SCAPER: variants seen among roughly 807,000 people sequenced by gnomAD.
SCAPER encodes S phase cyclin A-associated protein in the endoplasmic reticulum.
In SCAPER, 98 loss-of-function variants were observed where a neutral mutation model predicts 182.2. The observed-to-expected ratio is 0.54, with a 90% CI of 0.46 to 0.64. SCAPER has a LOEUF of 0.64. Ranked by LOEUF, SCAPER falls within the 30% of genes least tolerant of loss-of-function variation. The pLI, the probability that SCAPER is intolerant of heterozygous loss-of-function variation, is 0.00. For missense variants in SCAPER, 1,432 were observed against 1,690.0 expected (o/e 0.85, Z 2.68); for synonymous variants, 605 against 564.6 (o/e 1.07, Z -1.01).
intron 25 of SCAPER, among the ~76,000 whole-genome samples, chr15:76,464,403 G>A (rs931431942): frequency 2.0e-5 from 3 of 151,890 alleles, no homozygotes; most frequent in East Asian, 1.9e-4. Flanking sequence ...ATACACAGGC[G>A]ATTGGTTCAG....
At chr15:76,835,793 A>G (rs894158438) in intron 5 of SCAPER, among the ~76,000 whole-genome samples, 1 of 152,176 alleles carries the variant, frequency 6.6e-6, no homozygotes, top group Admixed American at 6.5e-5. Flanking sequence ...AGAAAACCTT[A>G]TAGTCTCTGT....
chr15:76,728,539 C>T, intron 17 of SCAPER, 56 bp downstream of exon 17: 1 of 1,606,788 alleles, frequency 6.2e-7, no homozygotes, highest in African/African-American at 1.3e-5. Context: ...GCTTTAAGAC[C>T]TCAACTTGAA....
At chr15:76,638,370 T>C (rs918078257) in intron 21 of SCAPER, among the ~76,000 whole-genome samples, 1 of 152,180 alleles carries the variant, frequency 6.6e-6, no homozygotes, top group African/African-American at 2.4e-5. Context: ...CTCAATCTTA[T>C]CAAATTGACT....
chr15:76,567,575 A>G (rs2047131647), intron 23 of SCAPER, among the ~76,000 whole-genome samples: 1 of 152,194 alleles, frequency 6.6e-6, no homozygotes, highest in African/African-American at 2.4e-5. Flanking sequence ...CATTCTGATA[A>G]GTGAATCACA....
At chr15:76,812,112 G>C (rs954478834) in intron 5 of SCAPER, among the ~76,000 whole-genome samples, 1 of 152,122 alleles carries the variant, frequency 6.6e-6, no homozygotes, top group Non-Finnish European at 1.5e-5. Flanking sequence ...TCAGGAGTTC[G>C]AGACCAACCT....
intron 26 of SCAPER, among the ~76,000 whole-genome samples, chr15:76,427,539 T>A (rs11629888): frequency 0.28 from 42,719 of 152,014 alleles, 7,017 homozygotes; most frequent in East Asian, 0.58. Context: ...GTTAGAATAG[T>A]TATTATCAAA....
chr15:76,763,027 T>A (rs890463189), intron 14 of SCAPER, among the ~76,000 whole-genome samples: 1 of 152,230 alleles, frequency 6.6e-6, no homozygotes, highest in Non-Finnish European at 1.5e-5. Context: ...TTATTCTATA[T>A]TTGACTGTAC....
chr15:76,780,493 C>T (rs572366287), intron 8 of SCAPER, among the ~76,000 whole-genome samples: 104 of 152,358 alleles, frequency 6.8e-4, no homozygotes, highest in African/African-American at 2.4e-3. Flanking sequence ...CAGACTTAGA[C>T]GTCCAGGTTT....
chr15:76,355,320 C>T lies in SCAPER; in HGVS notation c.3856-1180G>A, dbSNP rs890419384. Among the ~76,000 whole-genome samples the T allele has an allele frequency of 7.9e-5, 12 of 152,330 alleles. No homozygotes were observed. In the East Asian group the frequency reaches 2.3e-3, roughly 29 times the overall value. On this transcript the variant is annotated intron_variant, in intron 29 of 31. Transcript: ENST00000563290. ...GACTGTTGATAGGGACTTGTTAATA[C>T]CTTCAAATCCAGAAGGAATTTTAAA...
At chr15:76,755,452 C>G (rs908537066) in intron 14 of SCAPER, among the ~76,000 whole-genome samples, 3 of 152,150 alleles carry the variant, frequency 2.0e-5, no homozygotes, top group Non-Finnish European at 1.5e-5. Context: ...TAAAAGTAAT[C>G]CAAATAATAT....
Position 76,774,860 on chromosome 15 carries a change from T to A in SCAPER, c.1030A>T (p.Thr344Ser). 1 of 1,609,582 alleles carries A rather than the reference T, an allele frequency of 6.2e-7. No individual in the cohort carries two copies. The highest frequency in any genetic ancestry group is 8.5e-7 in the Non-Finnish European group (1 of 1,177,888). ...HSCDHPLAEK[T>S]QFTVSTLDDV... ...GGATTTTCAGAATGTACTACCTGGG[T>A]TTTTTCGGCAAGAGGATGGTCACAA... Residue 344 changes from threonine (T) to serine (S), a missense_variant, in exon 9 of 32, where the codon ACC (threonine) becomes TCC (serine). Thr to Ser is a moderately conservative substitution (Grantham distance 58). Around this residue, in one of 5 missense-constraint regions of SCAPER, gnomAD observed 480 missense variants for 510.2 expected, o/e 0.94. Transcript: ENST00000563290.
chr15:76,746,215 A>G (rs951862919), intron 15 of SCAPER, among the ~76,000 whole-genome samples: 3 of 152,216 alleles, frequency 2.0e-5, no homozygotes, highest in Non-Finnish European at 2.9e-5. Flanking sequence ...TAAAGGACAT[A>G]TAGTTGTCCC....
At chr15:76,469,093 T>C (rs1489255818) in intron 25 of SCAPER, among the ~76,000 whole-genome samples, 2 of 152,200 alleles carry the variant, frequency 1.3e-5, no homozygotes, top group Non-Finnish European at 2.9e-5. Context: ...ATCTATATTA[T>C]GACATATGAC....
intron 30 of SCAPER, among the ~76,000 whole-genome samples, chr15:76,352,553 C>A (rs1416250963): frequency 6.7e-6 from 1 of 149,534 alleles, no homozygotes; most frequent in Admixed American, 6.7e-5. Flanking sequence ...ATGATCTTGG[C>A]TCACTGCAAC....
intron 21 of SCAPER, among the ~76,000 whole-genome samples, chr15:76,648,702 A>C (rs1597914088): frequency 6.6e-6 from 1 of 152,340 alleles, no homozygotes; most frequent in Non-Finnish European, 1.5e-5. Flanking sequence ...CCCCAAAATC[A>C]TTTACTTTCT....
At chr15:76,861,914 C>T (rs1325237049) in intron 3 of SCAPER, 3 of 152,190 alleles carry the variant, frequency 2.0e-5, no homozygotes, top group Admixed American at 1.3e-4. Flanking sequence ...AAGCAAGGCG[C>T]CTTCTTTACA....
chr15:76,396,763 A>T (rs1320860142), intron 27 of SCAPER, among the ~76,000 whole-genome samples: 1 of 152,168 alleles, frequency 6.6e-6, no homozygotes, highest in African/African-American at 2.4e-5. Flanking sequence ...TCTGTAAAAA[A>T]GGATAATTTG....
intron 29 of SCAPER, among the ~76,000 whole-genome samples, chr15:76,356,935 GA>G (rs1455794483): frequency 1.3e-5 from 2 of 152,134 alleles, no homozygotes; most frequent in African/African-American, 4.8e-5. Context: ...GGGCTCTGAG[GA>G]AATCAACGGA....
chr15:76,720,406 T>C (rs562702492), intron 17 of SCAPER, among the ~76,000 whole-genome samples: 17 of 152,298 alleles, frequency 1.1e-4, no homozygotes, highest in Non-Finnish European at 2.1e-4. Flanking sequence ...AATGTGTCTT[T>C]ATAGCAGCAT....
Sources: gnomAD v4.1 joint callset for allele counts (sites outside exome capture counted in the v4.1 genomes callset) on GRCh38, gnomAD v4.1.1 for gene constraint, gnomAD v4.1.1 regional missense constraint, MANE v1.5 for transcripts, NCBI Gene and HGNC (gene_info 2026-07-23, HGNC 2026-07-21) for gene names.